The following SLC4A5 variants were observed in gnomAD, a reference collection of about 807,000 sequenced individuals.
The protein encoded by SLC4A5 is solute carrier family 4 member 5, also known as electrogenic sodium bicarbonate cotransporter 4.
SLC4A5 carries 96 observed loss-of-function variants against 120.4 expected under a neutral mutation model. The ratio of observed to expected loss-of-function variants is 0.80; its 90% CI spans 0.68 to 0.94. The LOEUF is 0.94. Among genes scored for constraint, SLC4A5 ranks in the 40% least tolerant of loss-of-function variants. The pLI is 0.00. For missense variants in SLC4A5, 1,259 were observed against 1,459.5 expected (o/e 0.86, Z 2.24); for synonymous variants, 550 against 571.1 (o/e 0.96, Z 0.53).
chr2:74,243,399 G>A (rs996427612), intron 19 of SLC4A5, among the ~76,000 whole-genome samples: 1 of 152,188 alleles, frequency 6.6e-6, no homozygotes, highest in East Asian at 1.9e-4. Flanking sequence ...GCCTGCTGAC[G>A]CTGGGTGGCT....
chr2:74,323,180 C>CA (rs1462385263), intron 5 of SLC4A5, among the ~76,000 whole-genome samples: 3 of 152,062 alleles, frequency 2.0e-5, no homozygotes, highest in Non-Finnish European at 4.4e-5. Flanking sequence ...GTGGAGGTTG[C>CA]AGTGAGCTGA....
At chr2:74,230,311 C>T (rs569032064) in intron 25 of SLC4A5, among the ~76,000 whole-genome samples, 3 of 152,256 alleles carry the variant, frequency 2.0e-5, no homozygotes, top group Admixed American at 6.5e-5. Context: ...GGTGGGAACA[C>T]CTTGCTTTCT....
intron 28 of SLC4A5, among the ~76,000 whole-genome samples, 156 bp downstream of exon 28, chr2:74,224,684 C>T (rs1165287489): frequency 6.6e-6 from 1 of 152,138 alleles, no homozygotes; most frequent in East Asian, 1.9e-4. Flanking sequence ...CCCTCAACAC[C>T]CCAGACCAAG....
In SLC4A5 at chr2:74,290,622, TGAGAGA is replaced by T. The variant is rs151284937; in HGVS notation, c.272-4726_272-4721del. On this transcript the variant is annotated intron_variant, in intron 7 of 30. Transcript: ENST00000394019. ...AGAGACAGAGAGAGAGACAGAGAAG[TGAGAGA>T]GAGAGAGAGAGAGAGAGAGAGAAGT... The T allele has an allele frequency of 8.2e-4, 725 of 884,500 alleles. 2 individuals are homozygous for T. Among genetic ancestry groups the T allele is most frequent in the African/African-American group, 7.6e-3 (342 of 45,036 alleles). 54.8% of individuals were successfully genotyped at this position (884,500 alleles called of 1,614,324 possible).
chr2:74,293,306 G>A lies in SLC4A5; in HGVS notation c.272-7404C>T, dbSNP rs78008698. Among the ~76,000 whole-genome samples the A allele has an allele frequency of 9.7e-3, 1,475 of 152,252 alleles. 22 individuals carry two copies. Among genetic ancestry groups the A allele is most frequent in the African/African-American group, 0.021 (870 of 41,544 alleles). ...GAATCTGCTGACTTGCTGTGTTCAC[G>A]GGAATCCTTCCTGGGGTGGGTGGCT... On this transcript the variant is annotated intron_variant, in intron 7 of 30. Transcript: ENST00000394019.
At position 74,264,314 on chromosome 2, in the gene SLC4A5, T is replaced by TAC. The variant is rs769769589; in HGVS notation, c.563-17_563-16dup. ...AATGACATCATCTGTGTGGAAAACA[T>TAC]ACACACCTCATCCCTGTGGGACAGA... is the stretch of plus-strand genomic sequence containing the variant. On this transcript the variant is annotated splice_polypyrimidine_tract_variant and intron_variant, in intron 9 of 30. Transcript: ENST00000394019. 3.7e-6 allele frequency: 6 copies of TAC among 1,611,724 alleles called. No individual in the cohort carries two copies. The South Asian group carries it at 6.6e-5, about 18-fold the overall frequency.
Position 74,239,333 on chromosome 2 carries a change from A to G in SLC4A5, c.2319+2T>C, listed in dbSNP as rs1156881232. 1.2e-6 allele frequency: 2 copies of G among 1,614,122 alleles called. No homozygotes were observed. Among genetic ancestry groups the G allele is most frequent in the Middle Eastern group, 1.7e-4 (1 of 6,060 alleles). ...CCCCTCCTAACTGCAGGGTGAGCTT[A>G]CCTTGGTAGGAAAATAGCGGCTGAA... On this transcript the variant is annotated splice_donor_variant, in intron 21 of 30. Transcript: ENST00000394019. LOFTEE classifies it high-confidence loss of function.
intron 6 of SLC4A5, among the ~76,000 whole-genome samples, chr2:74,312,609 T>C (rs1451281980): frequency 6.6e-6 from 1 of 152,188 alleles, no homozygotes; most frequent in Non-Finnish European, 1.5e-5. Context: ...CCTCTGCCTT[T>C]TAATTGATAT....
rs373614013 is a variant in SLC4A5 at position 74,265,228 on chromosome 2, G to A, written c.438C>T (p.Gly146=). The A allele has an allele frequency of 5.6e-5, 90 of 1,614,162 alleles. 1 individual carries two copies. The highest frequency in any genetic ancestry group is 4.9e-4 in the African/African-American group (37 of 75,050). The change falls in exon 9 of 31, where the codon GGC becomes GGT. Residue 146 remains glycine, a synonymous_variant. Transcript: ENST00000394019. ...ACACGTGGGGCTTGCTCCAGCGTTC[G>A]CCGCCTTCCTCTACCTTTTCTTCAA...
chr2:74,274,806 C>T (rs995491840), intron 8 of SLC4A5, among the ~76,000 whole-genome samples: 15 of 152,218 alleles, frequency 9.9e-5, no homozygotes, highest in African/African-American at 3.4e-4. Context: ...CTAGCCTTTG[C>T]ATTCTCTCCT....
At chr2:74,249,849 T>C (rs1670737387) in intron 17 of SLC4A5, among the ~76,000 whole-genome samples, 1 of 152,200 alleles carries the variant, frequency 6.6e-6, no homozygotes, top group African/African-American at 2.4e-5. Flanking sequence ...AGGCCTCCAT[T>C]GGAGAAGACC....
At chr2:74,328,986 C>A (rs532699277) in intron 4 of SLC4A5, among the ~76,000 whole-genome samples, 1 of 151,914 alleles carries the variant, frequency 6.6e-6, no homozygotes, top group Non-Finnish European at 1.5e-5. Context: ...TTTTTTTAAC[C>A]TCAAAGACCT....
At chr2:74,329,691 T>C (rs945001215) in intron 4 of SLC4A5, among the ~76,000 whole-genome samples, 1 of 150,872 alleles carries the variant, frequency 6.6e-6, no homozygotes, top group Non-Finnish European at 1.5e-5. Context: ...ATGAGGTTCA[T>C]GTAGAGAGAG....
rs570703889 is a variant in SLC4A5, at chr2:74,251,273, T to G, written c.1479-756A>C. On this transcript the variant is annotated intron_variant, in intron 16 of 30. Coordinates refer to ENST00000394019, the Ensembl canonical transcript of SLC4A5. ...TCCCTGGGCTCGGGGGTAGGGGGACTAAGGAGGGCCAAAGCTGCTTACAGT... is the reference window on the plus strand; with the variant it reads ...TCCCTGGGCTCGGGGGTAGGGGGACGAAGGAGGGCCAAAGCTGCTTACAGT... 4.6e-5 allele frequency among the ~76,000 whole-genome samples: 7 copies of G among 152,012 alleles called. No homozygotes were observed. The South Asian group carries it at 1.5e-3, about 32-fold the overall frequency.
chr2:74,261,791 C>A (rs766779860), intron 11 of SLC4A5, among the ~76,000 whole-genome samples: 3 of 152,134 alleles, frequency 2.0e-5, no homozygotes, highest in Non-Finnish European at 4.4e-5. Flanking sequence ...GTTTTTGATT[C>A]CATTTCCAGG....
intron 11 of SLC4A5, among the ~76,000 whole-genome samples, chr2:74,260,004 C>G (rs1268797471): frequency 6.6e-6 from 1 of 152,204 alleles, no homozygotes; most frequent in Non-Finnish European, 1.5e-5. Flanking sequence ...AGGTGAGGTT[C>G]CATGTGTCAC....
intron 25 of SLC4A5, among the ~76,000 whole-genome samples, chr2:74,228,592 T>A (rs1302957668): frequency 3.9e-5 from 6 of 151,958 alleles, no homozygotes; most frequent in Admixed American, 2.0e-4. Flanking sequence ...ATCGTGCTAC[T>A]GAACTCCAGC....
chr2:74,267,775 C>T (rs1178695025), intron 8 of SLC4A5, among the ~76,000 whole-genome samples: 5 of 152,166 alleles, frequency 3.3e-5, no homozygotes, highest in Admixed American at 2.0e-4. Flanking sequence ...GTGGGTGGAT[C>T]GCCTGTGCTC....
chr2:74,300,099 C>T lies in SLC4A5; in HGVS notation c.271+4390G>A, dbSNP rs182094545. On this transcript the variant is annotated intron_variant, in intron 7 of 30. Transcript: ENST00000394019. ...ACATGGAAGAACCGGGAGGGCATGA[C>T]GCTAAGTGAAATAAGCCAGAACTAT... Among the ~76,000 whole-genome samples the T allele has an allele frequency of 1.2e-4, 19 of 152,286 alleles. No individual in the cohort carries two copies. The East Asian group carries it at 2.9e-3, about 23-fold the overall frequency.
Sources: allele counts gnomAD v4.1 joint callset (sites outside exome capture counted in the v4.1 genomes callset), GRCh38; gene constraint gnomAD v4.1.1; transcripts MANE v1.5; gene names NCBI Gene and HGNC (gene_info 2026-07-23, HGNC 2026-07-21).